The following STK40 variants were observed in gnomAD, a reference collection of about 807,000 sequenced individuals.
The protein encoded by STK40 is serine/threonine kinase 40, also known as serine/threonine-protein kinase 40.
STK40 carries 13 observed loss-of-function variants against 47.9 expected under a neutral mutation model. That is an observed-to-expected ratio of 0.27 (90% CI 0.18 to 0.43). The LOEUF (loss-of-function observed/expected upper bound fraction) is 0.43, where lower values mean the gene tolerates loss of function less well. Ranked by LOEUF, STK40 falls within the 20% of genes least tolerant of loss-of-function variation. The probability of loss-of-function intolerance (pLI) is 1.00; values close to 1 mark genes in which losing one functional copy is unlikely to be tolerated. For missense variants in STK40, 460 were observed against 595.1 expected, an observed-to-expected ratio of 0.77 and a Z score of 2.36; for synonymous variants, 225 against 243.2, an observed-to-expected ratio of 0.93 and a Z score of 0.69.
At chr1:36,355,087 G>T in intron 5 of STK40, 119 bp downstream of exon 5, 4 of 1,032,282 alleles carry the variant, frequency 3.9e-6, no homozygotes, top group East Asian at 2.5e-5. Context: ...CTCTTCTTTT[G>T]GACACTCCCA....
chr1:36,380,359 C>T (rs1416130466), intron 1 of STK40, among the ~76,000 whole-genome samples: 1 of 152,198 alleles, frequency 6.6e-6, no homozygotes, highest in Non-Finnish European at 1.5e-5. Flanking sequence ...CACTATAGTC[C>T]AATCCAGCTG....
chr1:36,345,989 A>ATTTTTTTTTTTTT (rs1330462605), intron 7 of STK40, among the ~76,000 whole-genome samples: 22 of 19,582 alleles, frequency 1.1e-3, no homozygotes, highest in Middle Eastern at 0.05. Context: ...ATATATATAT[A>ATTTTTTTTTTTTT]TATTTTTTTT....
At chr1:36,343,740 T>A in intron 9 of STK40, 120 bp downstream of exon 9, 3 of 1,443,092 alleles carry the variant, frequency 2.1e-6, no homozygotes, top group South Asian at 1.5e-5. Context: ...ATGCAGAGAA[T>A]CTGGAAATCT....
At chr1:36,354,790 C>T (rs1293622556) in intron 5 of STK40, among the ~76,000 whole-genome samples, 7 of 152,140 alleles carry the variant, frequency 4.6e-5, no homozygotes, top group East Asian at 1.9e-4. Context: ...ACCACAGGCT[C>T]GGCCCACAGA....
intron 6 of STK40, among the ~76,000 whole-genome samples, chr1:36,349,167 A>G (rs1198278110): frequency 6.6e-6 from 1 of 152,200 alleles, no homozygotes; most frequent in African/African-American, 2.4e-5. Context: ...AGCCTCACGT[A>G]ATATTCTAGA....
intron 4 of STK40, 84 bp downstream of exon 4, chr1:36,358,155 C>T (rs1050091601): frequency 8.9e-6 from 13 of 1,456,148 alleles, no homozygotes; most frequent in Non-Finnish European, 1.1e-5. Context: ...ACGTGAGCTG[C>T]TCGTATGGCT....
intron 5 of STK40, 55 bp downstream of exon 5, chr1:36,355,151 G>C: frequency 6.4e-7 from 1 of 1,565,816 alleles, no homozygotes; most frequent in Non-Finnish European, 8.8e-7. Flanking sequence ...CTCAGCAGCA[G>C]CAAGAAAGGT....
intron 1 of STK40, among the ~76,000 whole-genome samples, chr1:36,379,316 G>T (rs904952177): frequency 7.2e-5 from 11 of 151,932 alleles, no homozygotes; most frequent in African/African-American, 2.7e-4. Flanking sequence ...CCTGTAGACT[G>T]CTAAGTTCTG....
chr1:36,385,327 G>T (rs1340223496), intron 1 of STK40, among the ~76,000 whole-genome samples: 2 of 150,824 alleles, frequency 1.3e-5, no homozygotes, highest in Non-Finnish European at 2.9e-5. Context: ...CCCTCCCTGG[G>T]GACTCGTTCT....
chr1:36,377,460 G>A (rs949801924), intron 1 of STK40, among the ~76,000 whole-genome samples: 1 of 150,744 alleles, frequency 6.6e-6, no homozygotes. Flanking sequence ...TTGAACCTGG[G>A]AGGCGGAGGT....
At chr1:36,377,952 A>T (rs914481899) in intron 1 of STK40, among the ~76,000 whole-genome samples, 6 of 152,224 alleles carry the variant, frequency 3.9e-5, no homozygotes, top group African/African-American at 1.4e-4. Flanking sequence ...GACTACCTTA[A>T]GGGCAAGAAT....
Position 36,345,991 on chromosome 1 carries a change from A to ATATATATTTTTTTTT in STK40, c.740-1728_740-1727insAAAAAAAAATATATA. On this transcript the variant is annotated intron_variant, in intron 7 of 10. Transcript: ENST00000373132. Reference sequence around the variant, plus strand: ...TACATATATATATATATATATATATATTTTTTTTTTTTTTTTTTCCTGAGA... The same window carrying ATATATATTTTTTTTT: ...TACATATATATATATATATATATATATATATATTTTTTTTTTTTTTTTTTTTTTTTTTTCCTGAGA... 3.1e-3 allele frequency among the ~76,000 whole-genome samples: 82 copies of ATATATATTTTTTTTT among 26,456 alleles called. 1 individual carries two copies. Among genetic ancestry groups the ATATATATTTTTTTTT allele is most frequent in the African/African-American group, 4.3e-3 (31 of 7,140 alleles). 17.4% of individuals were successfully genotyped at this position (26,456 alleles called of 152,430 possible). A position where few individuals can be genotyped will look rare whatever the true frequency, so the allele number is the denominator to read the frequency against.
At chr1:36,377,532 CAAAAAAAAA>C (rs746089027) in intron 1 of STK40, among the ~76,000 whole-genome samples, 2 of 35,502 alleles carry the variant, frequency 5.6e-5, no homozygotes, top group African/African-American at 8.1e-5. Context: ...GACTCCGTCT[CAAAAAAAAA>C]AAAAAAAAAA....
intron 1 of STK40, among the ~76,000 whole-genome samples, chr1:36,370,312 C>A (rs1013860507): frequency 6.6e-6 from 1 of 152,228 alleles, no homozygotes; most frequent in Non-Finnish European, 1.5e-5. Flanking sequence ...TGCTTTCCTG[C>A]GGCAAGATGT....
intron 7 of STK40, among the ~76,000 whole-genome samples, chr1:36,344,752 C>T (rs1375566525): frequency 6.6e-6 from 1 of 152,234 alleles, no homozygotes; most frequent in African/African-American, 2.4e-5. Flanking sequence ...GTGCAGGTGC[C>T]TCCCTGCGGT....
intron 7 of STK40, among the ~76,000 whole-genome samples, chr1:36,344,605 C>A (rs921338515): frequency 6.6e-6 from 1 of 152,226 alleles, no homozygotes; most frequent in African/African-American, 2.4e-5. Context: ...CTAGCTGGCT[C>A]CAGATGAGCT....
At chr1:36,380,387 C>T (rs1647029397) in intron 1 of STK40, among the ~76,000 whole-genome samples, 1 of 152,196 alleles carries the variant, frequency 6.6e-6, no homozygotes, top group Non-Finnish European at 1.5e-5. Context: ...GCTTCTGGCT[C>T]CCTTAGAACT....
At chr1:36,379,441 G>A (rs1647021490) in intron 1 of STK40, among the ~76,000 whole-genome samples, 1 of 148,212 alleles carries the variant, frequency 6.7e-6, no homozygotes. Flanking sequence ...CTCTCACCCA[G>A]GCTGGAGGGC....
chr1:36,344,032 C>A, intron 8 of STK40, 53 bp from the exon 9 acceptor site: 1 of 1,588,246 alleles, frequency 6.3e-7, no homozygotes, highest in South Asian at 1.1e-5. Flanking sequence ...GGGTCTGTGG[C>A]CAGGATGCCC....
Sources: allele counts gnomAD v4.1 joint callset (sites outside exome capture counted in the v4.1 genomes callset), GRCh38; gene constraint gnomAD v4.1.1; transcripts MANE v1.5; gene names NCBI Gene and HGNC (gene_info 2026-07-23, HGNC 2026-07-21).